RETREG3: variants seen among roughly 807,000 people sequenced by gnomAD.
RETREG3 encodes reticulophagy regulator 3.
In RETREG3, 23 loss-of-function variants were observed where a neutral mutation model predicts 50.2. The observed-to-expected ratio is 0.46, with a 90% CI of 0.33 to 0.65. The LOEUF (loss-of-function observed/expected upper bound fraction) is 0.65, where lower values mean the gene tolerates loss of function less well. RETREG3 is among the 30% of genes least tolerant of loss of function. The pLI is 0.02. For synonymous variants in RETREG3, 240 were observed against 234.4 expected, an observed-to-expected ratio of 1.02 and a Z score of -0.22; for missense variants, 546 against 598.0, an observed-to-expected ratio of 0.91 and a Z score of 0.91.
chr17:42,584,526 T>C (rs150243343), intron 6 of RETREG3, among the ~76,000 whole-genome samples: 2 of 152,220 alleles, frequency 1.3e-5, no homozygotes, highest in African/African-American at 4.8e-5. Context: ...GGATCTGCTC[T>C]GGGCTCAGCA....
At position 42,582,065 on chromosome 17, in the gene RETREG3, C is replaced by G; in HGVS notation, c.1149G>C (p.Leu383=). ...SRDEAALPEL[L]LGALPVGSNL... ...TGGATCCTACAGGAAGAGCACCAAG[C>G]AGGAGCTCCGGCAGCGCAGCCTCGT... Residue 383 remains leucine, a synonymous_variant, in exon 9 of 9, where the codon CTG becomes CTC. Transcript: ENST00000309428. The G allele has an allele frequency of 6.2e-7, 1 of 1,614,112 alleles. No homozygotes were observed. The highest frequency in any genetic ancestry group is 8.5e-7 in the Non-Finnish European group (1 of 1,180,014).
chr17:42,601,049 G>A (rs2093157421), intron 1 of RETREG3, among the ~76,000 whole-genome samples: 1 of 152,178 alleles, frequency 6.6e-6, no homozygotes, highest in African/African-American at 2.4e-5. Context: ...GCTGAAGCAG[G>A]TAGATCACTT....
chr17:42,586,290 A>G (rs2093121141), intron 4 of RETREG3, 153 bp from the exon 5 acceptor site: 2 of 676,038 alleles, frequency 3.0e-6, no homozygotes, highest in Non-Finnish European at 2.6e-6. Flanking sequence ...CTGTTTGGGA[A>G]GAAAAGGAGC....
intron 1 of RETREG3, among the ~76,000 whole-genome samples, chr17:42,604,167 T>A (rs573743631): frequency 6.6e-6 from 1 of 151,924 alleles, no homozygotes; most frequent in South Asian, 2.1e-4. Flanking sequence ...TTTATTTTTT[T>A]GGGGGGGCGG....
At position 42,609,273 on chromosome 17, in the gene RETREG3, T is replaced by C; in HGVS notation, c.52A>G (p.Thr18Ala). 1 of 1,604,734 alleles carries C rather than the reference T, an allele frequency of 6.2e-7. No homozygotes were observed. The highest frequency in any genetic ancestry group is 8.5e-7 in the Non-Finnish European group (1 of 1,179,672). ...PTTPGPASGS[T>A]FRGRRDVSGS... ...GACACATCTCGGCGGCCCCTGAAAG[T>C]CGACCCCGAAGCCGGGCCTGGGGTC... is the stretch of plus-strand genomic sequence containing the variant. Residue 18 changes from threonine to alanine, a missense_variant, in exon 1 of 9, where the codon ACT becomes GCT. Thr to Ala is a moderately conservative substitution (Grantham distance 58, BLOSUM62 0). Transcript: ENST00000309428.
chr17:42,583,947 A>G (rs1350635239), intron 6 of RETREG3, among the ~76,000 whole-genome samples: 1 of 152,092 alleles, frequency 6.6e-6, no homozygotes, highest in Non-Finnish European at 1.5e-5. Context: ...AGCTGAGATT[A>G]CAGGTGCTCA....
At chr17:42,584,137 T>C (rs1052617527) in intron 6 of RETREG3, among the ~76,000 whole-genome samples, 3 of 152,138 alleles carry the variant, frequency 2.0e-5, no homozygotes, top group African/African-American at 7.2e-5. Flanking sequence ...GGTCAGATGA[T>C]CAAATACCAG....
In RETREG3 at chr17:42,586,250, G is replaced by A. The variant is rs543028394; in HGVS notation, c.505-113C>T. ...AAGACTCTGTAAGTCAAGCATGGAC[G>A]TGCAGCCACTGTTGCATCCAAAGGT... On this transcript the variant is annotated intron_variant, in intron 4 of 8. Coordinates refer to ENST00000309428, the MANE Select transcript of RETREG3 (RefSeq NM_178126.4). 47 of 922,060 alleles carry A rather than the reference G, an allele frequency of 5.1e-5. 1 individual carries two copies. The highest frequency in any genetic ancestry group is 4.9e-4 in the African/African-American group (30 of 61,138). 57.1% of individuals were successfully genotyped at this position (922,060 alleles called of 1,614,324 possible). A position where few individuals can be genotyped will look rare whatever the true frequency, so the allele number is the denominator to read the frequency against.
At chr17:42,601,972 TATAC>T (rs2093159523) in intron 1 of RETREG3, among the ~76,000 whole-genome samples, 1 of 152,040 alleles carries the variant, frequency 6.6e-6, no homozygotes. Flanking sequence ...AAAGCTGAAC[TATAC>T]ATCACTGAGC....
chr17:42,599,755 A>C (rs2093155093), intron 1 of RETREG3, among the ~76,000 whole-genome samples: 1 of 152,038 alleles, frequency 6.6e-6, no homozygotes, highest in African/African-American at 2.4e-5. Context: ...CACTTTGGGA[A>C]GCCAAGGCAG....
At chr17:42,585,011 C>G (rs2093118268) in intron 6 of RETREG3, 114 bp downstream of exon 6, 1 of 1,338,172 alleles carries the variant, frequency 7.5e-7, no homozygotes, top group East Asian at 2.3e-5. Flanking sequence ...TCCTCACCCC[C>G]ACCAACTACC....
chr17:42,601,132 C>T (rs1238594055), intron 1 of RETREG3, among the ~76,000 whole-genome samples: 1 of 152,088 alleles, frequency 6.6e-6, no homozygotes, highest in East Asian at 1.9e-4. Context: ...CAAAAATTAG[C>T]TAGGCATGGT....
intron 5 of RETREG3, among the ~76,000 whole-genome samples, chr17:42,585,809 TA>T (rs2143377749): frequency 6.6e-6 from 1 of 152,242 alleles, no homozygotes; most frequent in Non-Finnish European, 1.5e-5. Flanking sequence ...TTATAGTTGG[TA>T]ATACCAACAA....
At chr17:42,591,460 C>A (rs1439174235) in intron 2 of RETREG3, among the ~76,000 whole-genome samples, 1 of 152,018 alleles carries the variant, frequency 6.6e-6, no homozygotes, top group East Asian at 1.9e-4. Flanking sequence ...CCTGCCTCAG[C>A]CTCCTTAGTG....
chr17:42,600,343 C>T (rs559254364), intron 1 of RETREG3, among the ~76,000 whole-genome samples: 1 of 151,988 alleles, frequency 6.6e-6, no homozygotes, highest in East Asian at 1.9e-4. Flanking sequence ...GATTGTGCCA[C>T]TGCACTCCAG....
At chr17:42,597,519 GTGTGTA>G (rs1414672989) in intron 1 of RETREG3, among the ~76,000 whole-genome samples, 51 of 117,178 alleles carry the variant, frequency 4.4e-4, no homozygotes, top group Admixed American at 3.2e-3. Context: ...GTGTGTGTGT[GTGTGTA>G]TATATATATA....
Position 42,581,568 on chromosome 17 carries a change from T to G in RETREG3, c.*245A>C. On this transcript the variant is annotated 3_prime_UTR_variant, in exon 9 of 9. Coordinates refer to ENST00000309428, the MANE Select transcript of RETREG3 (RefSeq NM_178126.4). ...TTGTTCCCCCAAAGTACCATCCTGA[T>G]GGAGAGAAGCCTCCCTTGGGGGAGC... The G allele has an allele frequency of 2.1e-6, 1 of 478,754 alleles. No homozygotes were observed. 29.7% of individuals were successfully genotyped at this position (478,754 alleles called of 1,614,324 possible).
chr17:42,603,931 C>T (rs539705117), intron 1 of RETREG3, among the ~76,000 whole-genome samples: 9 of 151,566 alleles, frequency 5.9e-5, no homozygotes, highest in South Asian at 2.1e-4. Flanking sequence ...GAGCCGAGAT[C>T]GCGCCACTGT....
intron 1 of RETREG3, among the ~76,000 whole-genome samples, chr17:42,604,892 C>T (rs1449827820): frequency 6.6e-6 from 1 of 151,984 alleles, no homozygotes; most frequent in Non-Finnish European, 1.5e-5. Flanking sequence ...TGTCAGGATA[C>T]ATGCTTGTTG....
Sources: gnomAD v4.1 joint callset for allele counts (sites outside exome capture counted in the v4.1 genomes callset) on GRCh38, gnomAD v4.1.1 for gene constraint, MANE v1.5 for transcripts, NCBI Gene and HGNC (gene_info 2026-07-23, HGNC 2026-07-21) for gene names.